SYNPR: variants seen among roughly 807,000 people sequenced by gnomAD.
The protein encoded by SYNPR is synaptoporin.
In SYNPR, 23 loss-of-function variants were observed where a neutral mutation model predicts 32.9. The ratio of observed to expected loss-of-function variants is 0.70; its 90% CI spans 0.50 to 0.99. The LOEUF (loss-of-function observed/expected upper bound fraction) is 0.99, where lower values mean the gene tolerates loss of function less well. Among genes scored for constraint, SYNPR ranks in the 50% least tolerant of loss-of-function variants. The pLI, the probability that SYNPR is intolerant of heterozygous loss-of-function variation, is 0.00. For synonymous variants in SYNPR, 146 were observed against 135.9 expected (o/e 1.07, Z -0.52); for missense variants, 318 against 349.3 (o/e 0.91, Z 0.71).
intron 2 of SYNPR, among the ~76,000 whole-genome samples, chr3:63,253,254 C>G (rs149588690): frequency 0.014 from 2,195 of 151,906 alleles, 54 homozygotes; most frequent in African/African-American, 0.05. Context: ...ATAAGAAAGT[C>G]ACTCAATTTG....
At chr3:63,547,389 T>C (rs959078764) in intron 3 of SYNPR, among the ~76,000 whole-genome samples, 3 of 152,124 alleles carry the variant, frequency 2.0e-5, no homozygotes, top group Admixed American at 2.0e-4. Flanking sequence ...ACTTCGAATT[T>C]GTCTGCCTTT....
intron 2 of SYNPR, among the ~76,000 whole-genome samples, chr3:63,398,035 A>G (rs1450630186): frequency 6.6e-6 from 1 of 152,216 alleles, no homozygotes; most frequent in Non-Finnish European, 1.5e-5. Context: ...TCACTGTTGT[A>G]GGGTGGTGTG....
At chr3:63,374,237 T>C (rs2087854991) in intron 2 of SYNPR, among the ~76,000 whole-genome samples, 1 of 152,120 alleles carries the variant, frequency 6.6e-6, no homozygotes, top group Admixed American at 6.6e-5. Flanking sequence ...TTGTTGAGGG[T>C]TTTTTAATAT....
intron 3 of SYNPR, among the ~76,000 whole-genome samples, chr3:63,545,266 CA>C (rs1283811196): frequency 6.6e-6 from 1 of 152,022 alleles, no homozygotes; most frequent in Non-Finnish European, 1.5e-5. Flanking sequence ...TTTTAGAACC[CA>C]GCTCTTATTT....
chr3:63,409,070 A>G (rs1305695818), intron 2 of SYNPR, among the ~76,000 whole-genome samples: 13 of 152,040 alleles, frequency 8.6e-5, no homozygotes, highest in Non-Finnish European at 1.6e-4. Context: ...AGATCAATCC[A>G]TCTGCAGCTT....
At chr3:63,467,284 C>T (rs1176751934) in intron 2 of SYNPR, among the ~76,000 whole-genome samples, 1 of 152,202 alleles carries the variant, frequency 6.6e-6, no homozygotes, top group African/African-American at 2.4e-5. Context: ...CTCTTCTACA[C>T]TTTGGTCACC....
At chr3:63,517,528 A>G (rs1156542603) in intron 3 of SYNPR, among the ~76,000 whole-genome samples, 1 of 152,178 alleles carries the variant, frequency 6.6e-6, no homozygotes, top group East Asian at 1.9e-4. Flanking sequence ...AGTGCCATGC[A>G]GAATCCAGAA....
At chr3:63,504,734 G>A (rs969619369) in intron 3 of SYNPR, among the ~76,000 whole-genome samples, 3 of 152,110 alleles carry the variant, frequency 2.0e-5, no homozygotes, top group Admixed American at 6.6e-5. Flanking sequence ...GAGAAAATGG[G>A]AGAGACTTCT....
intron 1 of SYNPR, among the ~76,000 whole-genome samples, chr3:63,230,650 C>G (rs927020642): frequency 1.3e-4 from 20 of 152,102 alleles, no homozygotes; most frequent in Non-Finnish European, 2.1e-4. Flanking sequence ...CTTTGCCTAC[C>G]GGGATTTGAG....
Position 63,260,307 on chromosome 3 carries a change from C to T in SYNPR, n.155-7010C>T, listed in dbSNP as rs544319873. Among the ~76,000 whole-genome samples, 516 of 152,258 alleles carry T rather than the reference C, an allele frequency of 3.4e-3. 1 individual carries two copies. Among genetic ancestry groups the T allele is most frequent in the Middle Eastern group, 6.8e-3 (2 of 294 alleles). On this transcript the variant is annotated intron_variant and non_coding_transcript_variant, in intron 2 of 4. Coordinates refer to the SYNPR transcript ENST00000478456. ...AACAAAGCTGGAGGCATCACGCTAC[C>T]TGACATCAAACTATACTACAAGGCC... is the stretch of plus-strand genomic sequence containing the variant.
At position 63,551,869 on chromosome 3, in the gene SYNPR, C is replaced by CTAGCTATT. The variant is rs1288589524; in HGVS notation, c.210-4672_210-4671insGCTATTTA. 1.3e-3 allele frequency among the ~76,000 whole-genome samples: 194 copies of CTAGCTATT among 144,848 alleles called. 1 individual carries two copies. The highest frequency in any genetic ancestry group is 4.7e-3 in the African/African-American group (182 of 38,966). On this transcript the variant is annotated intron_variant, in intron 3 of 5. Transcript: ENST00000478300. ...TCCCCACTCTAGCCCCAGCATCTAGCTATTTATTTATTTATTTATTTATTT... is the reference window on the plus strand; with the variant it reads ...TCCCCACTCTAGCCCCAGCATCTAGCTAGCTATTTATTTATTTATTTATTTATTTATTT...
chr3:63,533,406 A>C (rs528126832), intron 3 of SYNPR, among the ~76,000 whole-genome samples: 1 of 152,308 alleles, frequency 6.6e-6, no homozygotes, highest in South Asian at 2.1e-4. Flanking sequence ...AGATTAAAGA[A>C]GCAACAAAAA....
chr3:63,370,778 T>C (rs2087802066), intron 2 of SYNPR, among the ~76,000 whole-genome samples: 1 of 152,208 alleles, frequency 6.6e-6, no homozygotes, highest in African/African-American at 2.4e-5. Context: ...TTATATTTTA[T>C]GCTATCAGGT....
rs533811260 is a variant in SYNPR, at chr3:63,346,290, T to C, written c.84+67548T>C. Among the ~76,000 whole-genome samples the C allele has an allele frequency of 2.6e-5, 4 of 152,298 alleles. No homozygotes were observed. The South Asian group carries it at 8.3e-4, about 32-fold the overall frequency. On this transcript the variant is annotated intron_variant, in intron 2 of 5. Coordinates refer to ENST00000478300, the MANE Select transcript of SYNPR (RefSeq NM_001130003.2). ...CCCAAGTCACAAATACACAATCATA[T>C]ACTATTATGACAATTTTTTTCATTT...
In SYNPR at chr3:63,526,999, C is replaced by T. The variant is rs147237927; in HGVS notation, c.210-29544C>T. ...CAAAATATATAAAGCTCCAAATAGG[C>T]CAGAGAAGAGCAGTGTTTGTTCGCC... On this transcript the variant is annotated intron_variant, in intron 3 of 5. Transcript: ENST00000478300. 6.5e-3 allele frequency among the ~76,000 whole-genome samples: 993 copies of T among 152,186 alleles called. 3 individuals are homozygous for T. Among genetic ancestry groups the T allele is most frequent in the Admixed American group, 0.015 (233 of 15,266 alleles).
chr3:63,265,068 A>C (rs763810780), intron 2 of SYNPR, among the ~76,000 whole-genome samples: 14 of 152,100 alleles, frequency 9.2e-5, no homozygotes, highest in Non-Finnish European at 1.5e-4. Flanking sequence ...TTGCTCTCTA[A>C]AAGAAAATAA....
intron 4 of SYNPR, among the ~76,000 whole-genome samples, chr3:63,601,326 T>G (rs1048253816): frequency 5.9e-5 from 9 of 152,152 alleles, no homozygotes; most frequent in African/African-American, 1.9e-4. Flanking sequence ...CTGAAACCCT[T>G]TGATGTAAAA....
At chr3:63,375,276 G>A (rs2087872933) in intron 2 of SYNPR, among the ~76,000 whole-genome samples, 1 of 152,096 alleles carries the variant, frequency 6.6e-6, no homozygotes, top group African/African-American at 2.4e-5. Flanking sequence ...GCACACGTAT[G>A]TTTACTGCAG....
chr3:63,255,740 G>C lies in SYNPR; in HGVS notation n.154+3154G>C, dbSNP rs372558340. 4.0e-4 allele frequency among the ~76,000 whole-genome samples: 61 copies of C among 152,290 alleles called. No individual in the cohort carries two copies. The South Asian group carries it at 5.8e-3, about 14-fold the overall frequency. ...AGGTTCATCTCAATGGGAAGTGTCAGACAGTGGGTGAAGGACAGTGGGTGC... is the reference window on the plus strand; with the variant it reads ...AGGTTCATCTCAATGGGAAGTGTCACACAGTGGGTGAAGGACAGTGGGTGC... On this transcript the variant is annotated intron_variant and non_coding_transcript_variant, in intron 2 of 4. Coordinates refer to the SYNPR transcript ENST00000478456.
Sources: gnomAD v4.1 joint callset for allele counts (sites outside exome capture counted in the v4.1 genomes callset) on GRCh38, gnomAD v4.1.1 for gene constraint, MANE v1.5 for transcripts, NCBI Gene and HGNC (gene_info 2026-07-23, HGNC 2026-07-21) for gene names.